NEK7: variants seen among roughly 807,000 people sequenced by gnomAD.
The protein encoded by NEK7 is NIMA related kinase 7.
NEK7 carries 18 observed loss-of-function variants against 44.6 expected under a neutral mutation model. The ratio of observed to expected loss-of-function variants is 0.40; its 90% CI spans 0.28 to 0.60. The LOEUF (loss-of-function observed/expected upper bound fraction) is 0.60. Ranked by LOEUF, NEK7 falls within the 20% of genes least tolerant of loss-of-function variation. The pLI, the probability that NEK7 is intolerant of heterozygous loss-of-function variation, is 0.38. For missense variants in NEK7, 256 were observed against 366.5 expected (o/e 0.70, Z 2.46); for synonymous variants, 130 against 121.1 (o/e 1.07, Z -0.48).
chr1:198,172,412 C>G (rs936238684), intron 1 of NEK7, among the ~76,000 whole-genome samples: 1 of 152,152 alleles, frequency 6.6e-6, no homozygotes. Context: ...GAGCTCTGCT[C>G]TCTTCTTCCG....
intron 7 of NEK7, among the ~76,000 whole-genome samples, chr1:198,285,272 C>G (rs539778159): frequency 6.6e-6 from 1 of 152,020 alleles, no homozygotes; most frequent in African/African-American, 2.4e-5. Flanking sequence ...AATAGATACT[C>G]AATAAATATT....
chr1:198,168,094 A>G (rs750574173), intron 1 of NEK7, among the ~76,000 whole-genome samples: 2 of 152,198 alleles, frequency 1.3e-5, no homozygotes, highest in Non-Finnish European at 2.9e-5. Context: ...CTCTTTATTT[A>G]TTATAAGAAG....
intron 6 of NEK7, 91 bp downstream of exon 6, chr1:198,278,160 A>G: frequency 1.5e-6 from 1 of 677,288 alleles, no homozygotes; most frequent in Non-Finnish European, 2.6e-6. Flanking sequence ...ATAATACCAT[A>G]CTTTTTCAGG....
chr1:198,188,537 G>A (rs1175294346), intron 1 of NEK7, among the ~76,000 whole-genome samples: 1 of 152,030 alleles, frequency 6.6e-6, no homozygotes, highest in East Asian at 1.9e-4. Context: ...CAGGGAGTAA[G>A]CAGTTGTACT....
intron 5 of NEK7, among the ~76,000 whole-genome samples, chr1:198,275,512 A>G (rs1425099443): frequency 6.7e-6 from 1 of 149,228 alleles, no homozygotes; most frequent in South Asian, 2.1e-4. Context: ...TTTTTTTTTT[A>G]ATCAGAGCTA....
intron 1 of NEK7, among the ~76,000 whole-genome samples, chr1:198,210,442 T>G (rs1363182917): frequency 2.0e-5 from 3 of 152,184 alleles, no homozygotes; most frequent in Non-Finnish European, 2.9e-5. Context: ...TTGCTGTAAT[T>G]TATTTGGCCA....
chr1:198,181,267 A>G (rs1373259832), intron 1 of NEK7, among the ~76,000 whole-genome samples: 6 of 152,128 alleles, frequency 3.9e-5, no homozygotes, highest in African/African-American at 1.4e-4. Context: ...TTAATTGATC[A>G]TTGACTTCTT....
chr1:198,249,938 A>G (rs1652867188), intron 2 of NEK7, among the ~76,000 whole-genome samples: 1 of 146,864 alleles, frequency 6.8e-6, no homozygotes. Flanking sequence ...GGTGTTTTAG[A>G]CATGAAGTCC....
At chr1:198,158,879 G>T (rs1664002366) in intron 1 of NEK7, among the ~76,000 whole-genome samples, 2 of 152,148 alleles carry the variant, frequency 1.3e-5, no homozygotes, top group Non-Finnish European at 2.9e-5. Flanking sequence ...GGAACTTGCT[G>T]GGGTAGGGGA....
chr1:198,200,325 A>G (rs933837011), intron 1 of NEK7, among the ~76,000 whole-genome samples: 8 of 152,128 alleles, frequency 5.3e-5, no homozygotes, highest in African/African-American at 1.9e-4. Flanking sequence ...TGGTTTCTGT[A>G]TCCAATTTCT....
intron 9 of NEK7, among the ~76,000 whole-genome samples, chr1:198,315,718 A>G (rs757282905): frequency 3.9e-4 from 59 of 152,182 alleles, no homozygotes; most frequent in Non-Finnish European, 7.3e-5. Context: ...GTATGATGAG[A>G]TGTTTGATAT....
intron 3 of NEK7, among the ~76,000 whole-genome samples, chr1:198,258,591 A>G (rs1558082829): frequency 6.6e-6 from 1 of 152,202 alleles, no homozygotes; most frequent in Non-Finnish European, 1.5e-5. Flanking sequence ...ATTTCCTTTT[A>G]AAGAAATCTA....
intron 4 of NEK7, among the ~76,000 whole-genome samples, chr1:198,263,507 T>C (rs1021710048): frequency 1.3e-5 from 2 of 151,958 alleles, no homozygotes; most frequent in African/African-American, 4.8e-5. Context: ...TGTATTAATA[T>C]GTTTAAAGAT....
At chr1:198,294,724 T>G (rs1654660085) in intron 8 of NEK7, among the ~76,000 whole-genome samples, 1 of 152,160 alleles carries the variant, frequency 6.6e-6, no homozygotes, top group Non-Finnish European at 1.5e-5. Flanking sequence ...AAATAACATC[T>G]TTGGACATTT....
At chr1:198,300,372 T>C (rs1041343047) in intron 9 of NEK7, among the ~76,000 whole-genome samples, 1 of 152,234 alleles carries the variant, frequency 6.6e-6, no homozygotes, top group Non-Finnish European at 1.5e-5. Context: ...CTAACTCTTA[T>C]CAATGCAAGT....
At chr1:198,222,278 G>A (rs1051079419) in intron 1 of NEK7, among the ~76,000 whole-genome samples, 1 of 152,142 alleles carries the variant, frequency 6.6e-6, no homozygotes, top group African/African-American at 2.4e-5. Flanking sequence ...ATATGCTTAA[G>A]AGAACTTTTT....
At chr1:198,295,795 A>G (rs1390148557) in intron 8 of NEK7, among the ~76,000 whole-genome samples, 2 of 134,140 alleles carry the variant, frequency 1.5e-5, no homozygotes, top group Admixed American at 7.8e-5. Flanking sequence ...TTGCATTTAA[A>G]ACAAAAACCA....
intron 1 of NEK7, among the ~76,000 whole-genome samples, chr1:198,194,811 A>G (rs1260220177): frequency 6.6e-6 from 1 of 152,152 alleles, no homozygotes; most frequent in African/African-American, 2.4e-5. Flanking sequence ...AGAACAATTT[A>G]TATTCCTTTG....
intron 1 of NEK7, among the ~76,000 whole-genome samples, chr1:198,177,274 G>C (rs1664629465): frequency 6.6e-6 from 1 of 152,092 alleles, no homozygotes; most frequent in Non-Finnish European, 1.5e-5. Flanking sequence ...GTAAATTACT[G>C]TTCTTCAGCC....
Sources: gnomAD v4.1 joint callset for allele counts (sites outside exome capture counted in the v4.1 genomes callset) on GRCh38, gnomAD v4.1.1 for gene constraint, MANE v1.5 for transcripts, NCBI Gene and HGNC (gene_info 2026-07-23, HGNC 2026-07-21) for gene names.